NRSN1: variants seen among roughly 807,000 people sequenced by gnomAD.
The protein encoded by NRSN1 is neurensin-1.
NRSN1 carries 14 observed loss-of-function variants against 17.3 expected under a neutral mutation model. That is an observed-to-expected ratio of 0.81 (90% CI 0.54 to 1.27). NRSN1 has a LOEUF of 1.27. NRSN1 is among the 50% of genes most tolerant of loss of function. NRSN1 has a pLI of 0.00. For missense variants in NRSN1, 209 were observed against 235.9 expected (o/e 0.89, Z 0.75); for synonymous variants, 79 against 94.2 (o/e 0.84, Z 0.93).
rs1413687157 is a variant in NRSN1, at chr6:24,136,809, G to A, written c.189+2293G>A. On this transcript the variant is annotated intron_variant, in intron 3 of 3. Coordinates refer to ENST00000378491, the MANE Select transcript of NRSN1 (RefSeq NM_080723.5). Reference sequence around the variant, plus strand: ...TCCAAAAATATTTATTTACTGCTGTGCTGGAGTCCTAGATGTATACCTTAG... The same window carrying A: ...TCCAAAAATATTTATTTACTGCTGTACTGGAGTCCTAGATGTATACCTTAG... Among the ~76,000 whole-genome samples the A allele has an allele frequency of 2.0e-5, 3 of 152,108 alleles. 1 individual carries two copies. Among genetic ancestry groups the A allele is most frequent in the Admixed American group, 2.0e-4 (3 of 15,282 alleles).
rs1760306106 is a variant in NRSN1 at position 24,146,372 on chromosome 6, T to C, written c.*426T>C. On this transcript the variant is annotated 3_prime_UTR_variant, in exon 4 of 4. Coordinates refer to ENST00000378491, the MANE Select transcript of NRSN1 (RefSeq NM_080723.5). ...TCTTCCATTCCTGTCTCACTATGTGTAAGATTTTGTCATATGTGTTCATAG... is the reference window on the plus strand; with the variant it reads ...TCTTCCATTCCTGTCTCACTATGTGCAAGATTTTGTCATATGTGTTCATAG... 1 of 440,460 alleles carries C rather than the reference T, an allele frequency of 2.3e-6. No homozygotes were observed. Among genetic ancestry groups the C allele is most frequent in the Non-Finnish European group, 4.7e-6 (1 of 213,244 alleles). 27.3% of individuals were successfully genotyped at this position (440,460 alleles called of 1,614,324 possible). A position where few individuals can be genotyped will look rare whatever the true frequency, so the allele number is the denominator to read the frequency against.
chr6:24,134,243 T>C, intron 2 of NRSN1, 76 bp from the exon 3 acceptor site: 1 of 1,194,372 alleles, frequency 8.4e-7, no homozygotes, highest in Non-Finnish European at 1.2e-6. Context: ...CTCAGTCTGG[T>C]TCTTACCTTT....
chr6:24,138,755 C>T (rs868459220), intron 3 of NRSN1, among the ~76,000 whole-genome samples: 1 of 152,148 alleles, frequency 6.6e-6, no homozygotes, highest in Non-Finnish European at 1.5e-5. Flanking sequence ...AGAGTTTAAA[C>T]TTAAGTCCTT....
intron 2 of NRSN1, among the ~76,000 whole-genome samples, chr6:24,133,385 G>T (rs903783410): frequency 2.6e-5 from 4 of 152,220 alleles, no homozygotes; most frequent in African/African-American, 9.6e-5. Flanking sequence ...GGCATAAATT[G>T]CTCAGCAGCT....
chr6:24,130,375 A>G (rs961951110), intron 2 of NRSN1, among the ~76,000 whole-genome samples: 2 of 152,356 alleles, frequency 1.3e-5, no homozygotes, highest in Non-Finnish European at 2.9e-5. Context: ...AGAAGTGTCC[A>G]TCAATCAAAT....
chr6:24,142,830 A>AGGTGGAAAG (rs1451201811), intron 3 of NRSN1, among the ~76,000 whole-genome samples: 2 of 152,158 alleles, frequency 1.3e-5, no homozygotes, highest in Non-Finnish European at 2.9e-5. Context: ...CGAAAGAACA[A>AGGTGGAAAG]AGCTTCCACA....
rs980804711 is a variant in NRSN1, at chr6:24,146,073, A to G, written c.*127A>G. The G allele has an allele frequency of 1.0e-5, 10 of 971,666 alleles. No individual in the cohort carries two copies. The highest frequency in any genetic ancestry group is 8.0e-5 in the African/African-American group (5 of 62,696). The allele number at this position is 971,666 out of a possible 1,614,324, so 60.2% of individuals were successfully genotyped here. On this transcript the variant is annotated 3_prime_UTR_variant, in exon 4 of 4. Transcript: ENST00000378491. Reference sequence around the variant, plus strand: ...GCTGTGTTCAGCTGTGGGCAATATAATGGGTGGACTCACACTTGCTCAGTT... The same window carrying G: ...GCTGTGTTCAGCTGTGGGCAATATAGTGGGTGGACTCACACTTGCTCAGTT...
rs780697730 is a variant in NRSN1 at position 24,145,837 on chromosome 6, A to C, written c.479A>C (p.Asp160Ala). 5 of 1,614,244 alleles carry C rather than the reference A, an allele frequency of 3.1e-6. No homozygotes were observed. In the South Asian group the frequency reaches 5.5e-5, roughly 18 times the overall value. The change falls in exon 4 of 4, where the codon GAC becomes GCC. Residue 160 changes from aspartate (D) to alanine (A), a missense_variant. Coordinates refer to ENST00000378491, the MANE Select transcript of NRSN1 (RefSeq NM_080723.5). The surrounding 1 kb of genome is among the most constrained non-coding windows in gnomAD (Gnocchi z 4.4). ...LQQKFKERIA[D>A]IKAHTQPVTK... ...CAGAAGTTTAAAGAACGAATCGCAGACATCAAAGCCCACACCCAGCCGGTT... is the reference window on the plus strand; with the variant it reads ...CAGAAGTTTAAAGAACGAATCGCAGCCATCAAAGCCCACACCCAGCCGGTT...
At chr6:24,142,821 G>A (rs1183818151) in intron 3 of NRSN1, among the ~76,000 whole-genome samples, 6 of 152,188 alleles carry the variant, frequency 3.9e-5, no homozygotes, top group Non-Finnish European at 8.8e-5. Context: ...TGTGAAGAGC[G>A]AAAGAACAAA....
chr6:24,140,830 A>G (rs1401906321), intron 3 of NRSN1: 5 of 1,266,390 alleles, frequency 3.9e-6, no homozygotes, highest in Non-Finnish European at 4.0e-6. Flanking sequence ...GATGTTGGTC[A>G]AAATAACAGC....
At position 24,146,411 on chromosome 6, in the gene NRSN1, T is replaced by C. The variant is rs1760306808; in HGVS notation, c.*465T>C. 2.6e-6 allele frequency: 1 copy of C among 383,664 alleles called. No individual in the cohort carries two copies. Among genetic ancestry groups the C allele is most frequent in the African/African-American group, 2.1e-5 (1 of 47,368 alleles). The allele number at this position is 383,664 out of a possible 1,614,324, so 23.8% of individuals were successfully genotyped here. A position where few individuals can be genotyped will look rare whatever the true frequency, so the allele number is the denominator to read the frequency against. ...ATGTGTTCATAGAAACATGGAATTCTCTGATTTTGAGCCGAACATGAGTTT... is the reference window on the plus strand; with the variant it reads ...ATGTGTTCATAGAAACATGGAATTCCCTGATTTTGAGCCGAACATGAGTTT... On this transcript the variant is annotated 3_prime_UTR_variant, in exon 4 of 4. Coordinates refer to ENST00000378491, the MANE Select transcript of NRSN1 (RefSeq NM_080723.5).
At chr6:24,141,336 A>T (rs77050135) in intron 3 of NRSN1, 24,050 of 1,042,638 alleles carry the variant, frequency 0.023, 380 homozygotes, top group South Asian at 0.065. Context: ...TCAGCATGGT[A>T]CCAAGACTAA....
At chr6:24,137,779 G>A (rs192425831) in intron 3 of NRSN1, among the ~76,000 whole-genome samples, 166 of 152,070 alleles carry the variant, frequency 1.1e-3, no homozygotes, top group African/African-American at 3.8e-3. Flanking sequence ...CTTAAAGCAG[G>A]CACAATACTT....
rs962239030 is a variant in NRSN1, at chr6:24,146,424, C to T, written c.*478C>T. ...AACATGGAATTCTCTGATTTTGAGC[C>T]GAACATGAGTTTTTAGACTGTATCT... On this transcript the variant is annotated 3_prime_UTR_variant, in exon 4 of 4. Transcript: ENST00000378491. 2.4e-5 allele frequency: 9 copies of T among 376,392 alleles called. No individual in the cohort carries two copies. Among genetic ancestry groups the T allele is most frequent in the African/African-American group, 4.2e-5 (2 of 47,224 alleles). The allele number at this position is 376,392 out of a possible 1,614,324, so 23.3% of individuals were successfully genotyped here.
At chr6:24,140,071 A>C (rs1174052100) in intron 3 of NRSN1, among the ~76,000 whole-genome samples, 4 of 152,224 alleles carry the variant, frequency 2.6e-5, no homozygotes, top group African/African-American at 9.6e-5. Context: ...GTTTCAAGAA[A>C]GTATAAGTGT....
In NRSN1 at chr6:24,134,526, G is replaced by A. The variant is rs1213143164; in HGVS notation, c.189+10G>A. On this transcript the variant is annotated intron_variant, in intron 3 of 3. Transcript: ENST00000378491. The stretch of plus-strand genomic sequence containing the variant: ...CTCAGTATTCTGGAAGGTAAGGAAG[G>A]AGCATGTGTTTAACTTAGGGAATGG... The A allele has an allele frequency of 2.5e-6, 4 of 1,612,014 alleles. No homozygotes were observed. The highest frequency in any genetic ancestry group is 2.5e-6 in the Non-Finnish European group (3 of 1,178,538).
At chr6:24,132,318 C>T (rs1413437211) in intron 2 of NRSN1, among the ~76,000 whole-genome samples, 2 of 152,184 alleles carry the variant, frequency 1.3e-5, no homozygotes, top group Non-Finnish European at 2.9e-5. Flanking sequence ...AACTAACTGG[C>T]CACATATAGG....
At position 24,146,298 on chromosome 6, in the gene NRSN1, C is replaced by T; in HGVS notation, c.*352C>T. ...CAGCTCACCAATGGCTAATGTGGTCCATTTTATTTTCTAATATTGGTTTAT... is the reference window on the plus strand; with the variant it reads ...CAGCTCACCAATGGCTAATGTGGTCTATTTTATTTTCTAATATTGGTTTAT... On this transcript the variant is annotated 3_prime_UTR_variant, in exon 4 of 4. Transcript: ENST00000378491. 3.8e-6 allele frequency: 2 copies of T among 529,340 alleles called. No individual in the cohort carries two copies. The highest frequency in any genetic ancestry group is 3.1e-5 in the South Asian group (2 of 65,070). 32.8% of individuals were successfully genotyped at this position (529,340 alleles called of 1,614,324 possible). A position where few individuals can be genotyped will look rare whatever the true frequency, so the allele number is the denominator to read the frequency against.
chr6:24,134,223 G>A (rs1760083492), intron 2 of NRSN1, 96 bp from the exon 3 acceptor site: 1 of 918,516 alleles, frequency 1.1e-6, no homozygotes, highest in Non-Finnish European at 1.7e-6. Flanking sequence ...GTTCAACTAG[G>A]CATACATTAC....
Sources: gnomAD v4.1 joint callset for allele counts (sites outside exome capture counted in the v4.1 genomes callset) on GRCh38, gnomAD v4.1.1 for gene constraint, Gnocchi (gnomAD v3.1) non-coding constraint, MANE v1.5 for transcripts, NCBI Gene and HGNC (gene_info 2026-07-23, HGNC 2026-07-21) for gene names.